The following CNTNAP4 variants were observed in gnomAD, a reference collection of about 807,000 sequenced individuals.
The protein encoded by CNTNAP4 is contactin associated protein family member 4.
Under a neutral mutation model 148.4 loss-of-function variants are expected in CNTNAP4, and 98 were observed. The observed-to-expected ratio is 0.66, with a 90% CI of 0.56 to 0.78. The LOEUF is 0.78. CNTNAP4 is among the 30% of genes least tolerant of loss of function. The pLI is 0.00. For missense variants in CNTNAP4, 1,935 were observed against 1,565.6 expected (o/e 1.24, Z -3.98); for synonymous variants, 730 against 565.1 (o/e 1.29, Z -4.14).
At position 76,317,232 on chromosome 16, in the gene CNTNAP4, G is replaced by A. The variant is rs1353500746; in HGVS notation, c.196+709G>A. ...TGTGCCACTGAACTAGAGCCTGGGCGACAAAGTGAGACCCTGTCTCAAAAA... is the reference window on the plus strand; with the variant it reads ...TGTGCCACTGAACTAGAGCCTGGGCAACAAAGTGAGACCCTGTCTCAAAAA... On this transcript the variant is annotated intron_variant, in intron 2 of 23. Transcript: ENST00000611870. Among the ~76,000 whole-genome samples the A allele has an allele frequency of 9.4e-5, 11 of 117,158 alleles. No homozygotes were observed. The East Asian group carries it at 1.9e-3, about 20-fold the overall frequency. 76.9% of individuals were successfully genotyped at this position (117,158 alleles called of 152,430 possible). A position where few individuals can be genotyped will look rare whatever the true frequency, so the allele number is the denominator to read the frequency against.
chr16:76,549,891 C>A (rs1354866548), intron 21 of CNTNAP4, among the ~76,000 whole-genome samples: 1 of 152,074 alleles, frequency 6.6e-6, no homozygotes, highest in African/African-American at 2.4e-5. Flanking sequence ...GGTGAAACAG[C>A]AGTAGTGTGC....
At chr16:76,419,785 C>G (rs1162681781) in intron 3 of CNTNAP4, among the ~76,000 whole-genome samples, 1 of 151,958 alleles carries the variant, frequency 6.6e-6, no homozygotes, top group African/African-American at 2.4e-5. Flanking sequence ...AGGTGCTACC[C>G]AATTCACTTC....
intron 15 of CNTNAP4, among the ~76,000 whole-genome samples, chr16:76,508,973 G>A (rs1274904708): frequency 1.0e-5 from 1 of 95,298 alleles, no homozygotes; most frequent in African/African-American, 2.6e-5. Context: ...GGATGGTCTC[G>A]ATCTCCTGAC....
At position 76,505,308 on chromosome 16, in the gene CNTNAP4, C is replaced by G. The variant is rs1363845040; in HGVS notation, c.2365+6614C>G. ...TACTACTAAACAATTAAAAAATAGA[C>G]TATTGATAACGTGCAACAACATAGA... On this transcript the variant is annotated intron_variant, in intron 15 of 23. Coordinates refer to ENST00000611870, the MANE Select transcript of CNTNAP4 (RefSeq NM_033401.5). Among the ~76,000 whole-genome samples, 2 of 43,260 alleles carry G rather than the reference C, an allele frequency of 4.6e-5. 1 individual carries two copies. The highest frequency in any genetic ancestry group is 7.1e-5 in the African/African-American group (2 of 28,312). The allele number at this position is 43,260 out of a possible 152,430, so 28.4% of individuals were successfully genotyped here.
At chr16:76,291,052 T>G (rs977211880) in intron 1 of CNTNAP4, among the ~76,000 whole-genome samples, 1 of 152,114 alleles carries the variant, frequency 6.6e-6, no homozygotes, top group Non-Finnish European at 1.5e-5. Context: ...ACAACCTCAT[T>G]TAAACATAAT....
intron 17 of CNTNAP4, among the ~76,000 whole-genome samples, chr16:76,533,019 G>A (rs2084052021): frequency 6.6e-6 from 1 of 152,066 alleles, no homozygotes; most frequent in Non-Finnish European, 1.5e-5. Context: ...TCAGTGTATT[G>A]AAAAGACAGC....
At chr16:76,543,570 G>T (rs1247272311) in intron 21 of CNTNAP4, among the ~76,000 whole-genome samples, 1 of 152,216 alleles carries the variant, frequency 6.6e-6, no homozygotes, top group Non-Finnish European at 1.5e-5. Flanking sequence ...CTGTCTACAG[G>T]GATGGAGAAA....
chr16:76,313,253 C>T (rs1355713654), intron 1 of CNTNAP4, among the ~76,000 whole-genome samples: 1 of 152,170 alleles, frequency 6.6e-6, no homozygotes, highest in Non-Finnish European at 1.5e-5. Context: ...AGAGGCATTA[C>T]ATCCAAAACA....
intron 4 of CNTNAP4, among the ~76,000 whole-genome samples, chr16:76,442,747 T>G (rs188492776): frequency 2.6e-5 from 4 of 152,238 alleles, no homozygotes; most frequent in Admixed American, 2.6e-4. Context: ...AAACCATTCA[T>G]AAGGGATCTG....
intron 21 of CNTNAP4, among the ~76,000 whole-genome samples, chr16:76,549,634 G>T (rs1359397989): frequency 6.7e-6 from 1 of 149,576 alleles, no homozygotes; most frequent in Non-Finnish European, 1.5e-5. Flanking sequence ...TTCTCATAAA[G>T]CAAAAAAAAG....
intron 21 of CNTNAP4, among the ~76,000 whole-genome samples, chr16:76,547,183 A>G (rs1429636334): frequency 6.6e-6 from 1 of 152,208 alleles, no homozygotes; most frequent in African/African-American, 2.4e-5. Context: ...AAATCTCTCT[A>G]GGATGTAATT....
At chr16:76,466,045 G>C (rs1452402178) in intron 9 of CNTNAP4, among the ~76,000 whole-genome samples, 2 of 152,130 alleles carry the variant, frequency 1.3e-5, no homozygotes, top group African/African-American at 4.8e-5. Context: ...CTTATTCTTT[G>C]AAATTGTGTT....
At chr16:76,386,070 T>A (rs572419750) in intron 3 of CNTNAP4, among the ~76,000 whole-genome samples, 120 of 152,296 alleles carry the variant, frequency 7.9e-4, no homozygotes, top group African/African-American at 2.8e-3. Context: ...AGCAGGTACG[T>A]TGGGCAGCCC....
chr16:76,303,665 AT>A (rs1182978344), intron 1 of CNTNAP4, among the ~76,000 whole-genome samples: 1 of 152,158 alleles, frequency 6.6e-6, no homozygotes, highest in African/African-American at 2.4e-5. Flanking sequence ...TTCTTAATAA[AT>A]TGTGGCTGTT....
intron 3 of CNTNAP4, among the ~76,000 whole-genome samples, chr16:76,412,743 G>A (rs1261954939): frequency 6.6e-6 from 1 of 151,214 alleles, no homozygotes; most frequent in Non-Finnish European, 1.5e-5. Flanking sequence ...TGAAAAATAG[G>A]TTCTACCATT....
intron 8 of CNTNAP4, among the ~76,000 whole-genome samples, chr16:76,455,725 G>T (rs1447713497): frequency 6.6e-6 from 1 of 152,174 alleles, no homozygotes; most frequent in Non-Finnish European, 1.5e-5. Context: ...AACACCCTTT[G>T]GTTTTTCCCT....
chr16:76,304,353 C>T (rs1367712747), intron 1 of CNTNAP4, among the ~76,000 whole-genome samples: 1 of 152,038 alleles, frequency 6.6e-6, no homozygotes, highest in East Asian at 1.9e-4. Context: ...AGTCACTTAA[C>T]ATCTCAGCAA....
At chr16:76,476,155 G>GT in intron 11 of CNTNAP4, 110 bp downstream of exon 11, 2 of 685,590 alleles carry the variant, frequency 2.9e-6, no homozygotes, top group South Asian at 3.9e-5. Flanking sequence ...TCAGCATCCA[G>GT]TGGTTAATCC....
intron 3 of CNTNAP4, among the ~76,000 whole-genome samples, chr16:76,374,049 C>A (rs1240476770): frequency 6.6e-6 from 1 of 152,070 alleles, no homozygotes; most frequent in African/African-American, 2.4e-5. Context: ...TTGTAATTGG[C>A]TTTTGAATAC....
Sources: allele counts gnomAD v4.1 joint callset (sites outside exome capture counted in the v4.1 genomes callset), GRCh38; gene constraint gnomAD v4.1.1; transcripts MANE v1.5; gene names NCBI Gene and HGNC (gene_info 2026-07-23, HGNC 2026-07-21).